Variants in SUCLG2 observed in about 807,000 individuals in gnomAD.
SUCLG2 encodes the protein succinate-CoA ligase GDP-forming subunit beta.
SUCLG2 carries 42 observed loss-of-function variants against 47.9 expected under a neutral mutation model. The observed-to-expected ratio is 0.88, with a 90% CI of 0.69 to 1.14. The LOEUF (loss-of-function observed/expected upper bound fraction) is 1.14, where lower values mean the gene tolerates loss of function less well. Among genes scored for constraint, SUCLG2 ranks in the 50% most tolerant of loss-of-function variants. The probability of loss-of-function intolerance (pLI) is 0.00; values close to 1 mark genes in which losing one functional copy is unlikely to be tolerated. For synonymous variants in SUCLG2, 195 were observed against 197.3 expected (o/e 0.99, Z 0.10); for missense variants, 571 against 525.9 (o/e 1.09, Z -0.84).
At chr3:67,402,381 T>C (rs74654807) in intron 9 of SUCLG2, among the ~76,000 whole-genome samples, 2,153 of 152,298 alleles carry the variant, frequency 0.014, 58 homozygotes, top group African/African-American at 0.048. Flanking sequence ...TACAAACTTA[T>C]TGAAATTCAA....
chr3:67,597,805 G>T (rs1028338926), intron 2 of SUCLG2, among the ~76,000 whole-genome samples: 4 of 151,792 alleles, frequency 2.6e-5, no homozygotes, highest in Admixed American at 2.6e-4. Flanking sequence ...AGGCACGGTG[G>T]CGGGTGCCTG....
intron 9 of SUCLG2, among the ~76,000 whole-genome samples, chr3:67,435,486 T>C (rs1166466900): frequency 6.6e-6 from 1 of 152,168 alleles, no homozygotes; most frequent in Non-Finnish European, 1.5e-5. Flanking sequence ...ATAGACATCG[T>C]TAAGTCAGAG....
chr3:67,370,366 A>T (rs1701936588), downstream of SUCLG2, among the ~76,000 whole-genome samples: 1 of 152,236 alleles, frequency 6.6e-6, no homozygotes, highest in Non-Finnish European at 1.5e-5. Flanking sequence ...TTCTTTTAAA[A>T]AAATAATAGA....
chr3:67,371,725 C>G (rs959177648), downstream of SUCLG2, among the ~76,000 whole-genome samples: 1 of 152,168 alleles, frequency 6.6e-6, no homozygotes, highest in African/African-American at 2.4e-5. Flanking sequence ...CTCCAACATC[C>G]TTTCAAATGA....
chr3:67,385,052 G>A (rs1211868198), intron 10 of SUCLG2, among the ~76,000 whole-genome samples: 1 of 152,190 alleles, frequency 6.6e-6, no homozygotes, highest in East Asian at 1.9e-4. Flanking sequence ...GTCTCGTCCT[G>A]ATAGCAATGT....
intron 1 of SUCLG2, among the ~76,000 whole-genome samples, chr3:67,643,423 A>G (rs1701137215): frequency 6.6e-6 from 1 of 152,216 alleles, no homozygotes; most frequent in Admixed American, 6.5e-5. Flanking sequence ...AACCTGAAGT[A>G]TGCTGAACTT....
chr3:67,470,279 C>T (rs1704572382), intron 9 of SUCLG2, among the ~76,000 whole-genome samples: 1 of 152,176 alleles, frequency 6.6e-6, no homozygotes, highest in Non-Finnish European at 1.5e-5. Context: ...CCCAAGTTAG[C>T]CAAAAATGTG....
chr3:67,409,826 T>G (rs1438807346), intron 9 of SUCLG2, among the ~76,000 whole-genome samples: 1 of 152,158 alleles, frequency 6.6e-6, no homozygotes, highest in Admixed American at 6.5e-5. Flanking sequence ...ACATCTTCCA[T>G]TAGGAATACT....
intron 7 of SUCLG2, among the ~76,000 whole-genome samples, chr3:67,506,334 C>A (rs1705637680): frequency 6.6e-6 from 1 of 152,132 alleles, no homozygotes; most frequent in African/African-American, 2.4e-5. Flanking sequence ...AACCAACATA[C>A]TCATTTAATT....
intron 6 of SUCLG2, among the ~76,000 whole-genome samples, chr3:67,511,565 C>T (rs902954935): frequency 6.6e-6 from 1 of 152,184 alleles, no homozygotes; most frequent in Non-Finnish European, 1.5e-5. Flanking sequence ...CTTCGTCTTC[C>T]ACCATGATTG....
At chr3:67,367,322 C>T (rs1194578496) in intron 10 of SUCLG2, among the ~76,000 whole-genome samples, 1 of 152,056 alleles carries the variant, frequency 6.6e-6, no homozygotes, top group African/African-American at 2.4e-5. Flanking sequence ...ATTAAAAGAA[C>T]AGTATAACTT....
chr3:67,407,060 G>A (rs1702829063), intron 9 of SUCLG2, among the ~76,000 whole-genome samples: 1 of 152,116 alleles, frequency 6.6e-6, no homozygotes, highest in Non-Finnish European at 1.5e-5. Context: ...ATATATTTTA[G>A]GTTTTTTGAG....
intron 1 of SUCLG2, among the ~76,000 whole-genome samples, chr3:67,614,314 T>G (rs915012545): frequency 6.6e-6 from 1 of 151,948 alleles, no homozygotes; most frequent in Admixed American, 6.6e-5. Flanking sequence ...CAGGCTTTGT[T>G]GTCCTCTTTG....
At chr3:67,378,799 T>G (rs1049239286) in intron 10 of SUCLG2, among the ~76,000 whole-genome samples, 3 of 152,142 alleles carry the variant, frequency 2.0e-5, no homozygotes, top group Non-Finnish European at 4.4e-5. Flanking sequence ...TTGATTCATT[T>G]GACTGTGGCA....
intron 9 of SUCLG2, among the ~76,000 whole-genome samples, chr3:67,447,644 C>G (rs992883564): frequency 2.2e-4 from 33 of 152,252 alleles, no homozygotes; most frequent in Admixed American, 1.6e-3. Context: ...AACTATATTC[C>G]AAATCAACAT....
At chr3:67,429,828 C>A (rs1228444857) in intron 9 of SUCLG2, among the ~76,000 whole-genome samples, 1 of 151,962 alleles carries the variant, frequency 6.6e-6, no homozygotes, top group Non-Finnish European at 1.5e-5. Context: ...GACTTTAAAC[C>A]AACAAAGATC....
intron 9 of SUCLG2, among the ~76,000 whole-genome samples, chr3:67,436,921 G>T (rs1575694422): frequency 6.6e-6 from 1 of 151,222 alleles, no homozygotes; most frequent in South Asian, 2.1e-4. Context: ...CTTTTTCTTT[G>T]CTTTTTCTTT....
chr3:67,388,267 C>A (rs1171180029), intron 10 of SUCLG2, among the ~76,000 whole-genome samples: 1 of 152,198 alleles, frequency 6.6e-6, no homozygotes, highest in Admixed American at 6.5e-5. Context: ...ACTATTATAG[C>A]TCCTCTCTTA....
At chr3:67,457,728 A>G (rs922607192) in intron 9 of SUCLG2, among the ~76,000 whole-genome samples, 2 of 133,386 alleles carry the variant, frequency 1.5e-5, no homozygotes, top group Admixed American at 7.9e-5. Context: ...TTTACTCCTA[A>G]AACAGCTACC....
Sources: allele counts gnomAD v4.1 joint callset (sites outside exome capture counted in the v4.1 genomes callset), GRCh38; gene constraint gnomAD v4.1.1; transcripts MANE v1.5; gene names NCBI Gene and HGNC (gene_info 2026-07-23, HGNC 2026-07-21).